The following CACNA1D variants were observed in gnomAD, a reference collection of about 807,000 sequenced individuals.
CACNA1D encodes voltage-dependent L-type calcium channel subunit alpha-1D.
Under a neutral mutation model 257.1 loss-of-function variants are expected in CACNA1D, and 55 were observed. The observed-to-expected ratio is 0.21, with a 90% CI of 0.17 to 0.27. The LOEUF (loss-of-function observed/expected upper bound fraction) is 0.27. CACNA1D is among the 10% of genes least tolerant of loss of function. The pLI is 1.00. For synonymous variants in CACNA1D, 980 were observed against 1,014.9 expected (o/e 0.97, Z 0.65); for missense variants, 1,876 against 2,784.0 (o/e 0.67, Z 7.34).
At chr3:53,509,802 G>A (rs2091031440) in intron 3 of CACNA1D, among the ~76,000 whole-genome samples, 1 of 152,230 alleles carries the variant, frequency 6.6e-6, no homozygotes, top group South Asian at 2.1e-4. Context: ...ATCTTCTGAG[G>A]GCTGACGCTG....
intron 4 of CACNA1D, among the ~76,000 whole-genome samples, chr3:53,651,927 G>A (rs1303996074): frequency 2.0e-5 from 3 of 151,980 alleles, no homozygotes; most frequent in Non-Finnish European, 4.4e-5. Context: ...ATTGGTTGTG[G>A]GCCTTCCTAG....
At chr3:53,573,257 T>C (rs762855855) in intron 3 of CACNA1D, among the ~76,000 whole-genome samples, 42 of 152,214 alleles carry the variant, frequency 2.8e-4, no homozygotes, top group Non-Finnish European at 3.8e-4. Context: ...AGGAAAGGGC[T>C]GACATTTGTT....
At chr3:53,627,160 C>T (rs550440182) in intron 3 of CACNA1D, among the ~76,000 whole-genome samples, 1 of 152,360 alleles carries the variant, frequency 6.6e-6, no homozygotes, top group Admixed American at 6.5e-5. Context: ...GGAGACCTCT[C>T]CACCTCACAG....
intron 8 of CACNA1D, among the ~76,000 whole-genome samples, chr3:53,690,180 C>T (rs542809545): frequency 6.6e-6 from 1 of 152,166 alleles, no homozygotes; most frequent in South Asian, 2.1e-4. Context: ...CTGCTTTTCT[C>T]GTCAGTTGGA....
chr3:53,579,809 C>T (rs747551594), intron 3 of CACNA1D, among the ~76,000 whole-genome samples: 5 of 152,142 alleles, frequency 3.3e-5, no homozygotes, highest in Non-Finnish European at 5.9e-5. Context: ...CTGTCTGGCA[C>T]AGACACAGGC....
rs1185009245 is a variant in CACNA1D at position 53,774,613 on chromosome 3, T to C, written c.4137T>C (p.Asp1379=). The stretch of plus-strand genomic sequence containing the variant: ...TGTTTGGGAAAGTTGCCATGAGAGA[T>C]AACAACCAGATCAATAGGAACAATA... ...MQMFGKVAMR[D]NNQINRNNNF... The change falls in exon 34 of 48, where the codon GAT becomes GAC. Residue 1379 remains aspartate, a synonymous_variant. Coordinates refer to ENST00000350061, the MANE Select transcript of CACNA1D (RefSeq NM_001128840.3). The surrounding 1 kb of genome is among the most constrained non-coding windows in gnomAD (Gnocchi z 4.3). The C allele has an allele frequency of 2.5e-6, 4 of 1,610,938 alleles. No individual in the cohort carries two copies. The Admixed American group carries it at 5.0e-5, about 20-fold the overall frequency.
intron 8 of CACNA1D, among the ~76,000 whole-genome samples, chr3:53,701,988 G>A (rs2094630098): frequency 6.6e-6 from 1 of 152,114 alleles, no homozygotes; most frequent in Admixed American, 6.5e-5. Context: ...AAACAGTAAT[G>A]CTTCATCAGT....
chr3:53,792,868 C>T (rs1374630850), intron 40 of CACNA1D, among the ~76,000 whole-genome samples: 1 of 152,164 alleles, frequency 6.6e-6, no homozygotes, highest in East Asian at 1.9e-4. Flanking sequence ...TGGAAATGGG[C>T]CTAGCTCCCG....
At chr3:53,686,389 A>G (rs1414033970) in intron 8 of CACNA1D, among the ~76,000 whole-genome samples, 2 of 152,242 alleles carry the variant, frequency 1.3e-5, no homozygotes, top group East Asian at 1.9e-4. Flanking sequence ...CCAAAACTTT[A>G]CAAAGACATA....
At chr3:53,496,783 C>CA (rs2090369600) in intron 1 of CACNA1D, among the ~76,000 whole-genome samples, 1 of 152,026 alleles carries the variant, frequency 6.6e-6, no homozygotes, top group Non-Finnish European at 1.5e-5. Flanking sequence ...GTATCTGTTA[C>CA]TCATTAGAGA....
In CACNA1D at chr3:53,793,858, T is replaced by A. The variant is rs539951248; in HGVS notation, c.4924-6391T>A. Reference sequence around the variant, plus strand: ...CAGAGAAGTGTAGCTTCTAGTGTAGTCAAAGTTGTGAGAGACGACTCAAGT... The same window carrying A: ...CAGAGAAGTGTAGCTTCTAGTGTAGACAAAGTTGTGAGAGACGACTCAAGT... On this transcript the variant is annotated intron_variant, in intron 40 of 47. Coordinates refer to ENST00000350061, the MANE Select transcript of CACNA1D (RefSeq NM_001128840.3). The surrounding 1 kb of genome is among the most constrained non-coding windows in gnomAD (Gnocchi z 4.1). 1.0e-3 allele frequency among the ~76,000 whole-genome samples: 154 copies of A among 152,302 alleles called. 2 individuals are homozygous for A. The highest frequency in any genetic ancestry group is 3.6e-3 in the African/African-American group (151 of 41,566).
At chr3:53,708,348 T>G (rs1490632583) in intron 9 of CACNA1D, among the ~76,000 whole-genome samples, 1 of 152,148 alleles carries the variant, frequency 6.6e-6, no homozygotes, top group African/African-American at 2.4e-5. Flanking sequence ...TGGCATACGG[T>G]AAATATGCGT....
At chr3:53,718,847 C>T (rs2094850546) in intron 10 of CACNA1D, 2 of 1,042,064 alleles carry the variant, frequency 1.9e-6, no homozygotes. Flanking sequence ...TTTAAGTTTT[C>T]CTTTGCTCAT....
intron 3 of CACNA1D, among the ~76,000 whole-genome samples, chr3:53,558,967 T>C (rs181931775): frequency 2.1e-4 from 32 of 152,264 alleles, no homozygotes; most frequent in Admixed American, 1.6e-3. Flanking sequence ...CACAACACCG[T>C]TTCTTCTCTT....
chr3:53,719,509 A>G (rs138543222), intron 10 of CACNA1D, among the ~76,000 whole-genome samples: 150 of 152,280 alleles, frequency 9.9e-4, no homozygotes, highest in African/African-American at 3.5e-3. Flanking sequence ...GCCTGCTGCC[A>G]GGGCCTGCAG....
chr3:53,534,894 T>G (rs1474232712), intron 3 of CACNA1D, among the ~76,000 whole-genome samples: 1 of 152,204 alleles, frequency 6.6e-6, no homozygotes, highest in Non-Finnish European at 1.5e-5. Flanking sequence ...ACGGAACGTT[T>G]CTTATGCACC....
intron 16 of CACNA1D, 109 bp downstream of exon 16, chr3:53,730,665 G>C (rs2094981932): frequency 1.2e-6 from 1 of 846,034 alleles, no homozygotes; most frequent in Non-Finnish European, 2.0e-6. Flanking sequence ...CAGCCCCCGG[G>C]TTGCTGCTTT....
chr3:53,753,433 A>G (rs925244974), intron 28 of CACNA1D, 139 bp from the exon 29 acceptor site: 1 of 723,612 alleles, frequency 1.4e-6, no homozygotes, highest in East Asian at 2.6e-5. Context: ...TGACCTTGCA[A>G]TGCCGGTGGA....
chr3:53,769,062 G>T (rs968041596), intron 30 of CACNA1D, among the ~76,000 whole-genome samples: 4 of 152,230 alleles, frequency 2.6e-5, no homozygotes, highest in Admixed American at 1.3e-4. Context: ...CCTGGTGCTG[G>T]CTGGAGTTTG....
Sources: gnomAD v4.1 joint callset for allele counts (sites outside exome capture counted in the v4.1 genomes callset) on GRCh38, gnomAD v4.1.1 for gene constraint, Gnocchi (gnomAD v3.1) non-coding constraint, MANE v1.5 for transcripts, NCBI Gene and HGNC (gene_info 2026-07-23, HGNC 2026-07-21) for gene names.